Variants in PP2D1 observed in about 807,000 individuals in gnomAD.
PP2D1 encodes the protein protein phosphatase 2C-like domain-containing protein 1.
Under a neutral mutation model 30.2 loss-of-function variants are expected in PP2D1, and 25 were observed. That is an observed-to-expected ratio of 0.83 (90% CI 0.60 to 1.16). PP2D1 has a LOEUF of 1.16. PP2D1 is among the 50% of genes most tolerant of loss of function. The pLI, the probability that PP2D1 is intolerant of heterozygous loss-of-function variation, is 0.00. For synonymous variants in PP2D1, 260 were observed against 258.9 expected (o/e 1.00, Z -0.04); for missense variants, 760 against 742.4 (o/e 1.02, Z -0.28).
At chr3:20,010,081 C>G (rs1370855390) in intron 1 of PP2D1, among the ~76,000 whole-genome samples, 1 of 151,948 alleles carries the variant, frequency 6.6e-6, no homozygotes, top group African/African-American at 2.4e-5. Flanking sequence ...ATCTATATCC[C>G]CATCCACCTT....
At chr3:19,989,155 G>A (rs972254214) in intron 2 of PP2D1, among the ~76,000 whole-genome samples, 5 of 151,948 alleles carry the variant, frequency 3.3e-5, no homozygotes, top group Admixed American at 6.6e-5. Context: ...CCAACATGGC[G>A]AAACTCTGTC....
chr3:20,010,627 C>T (rs1304278368), intron 1 of PP2D1, among the ~76,000 whole-genome samples: 1 of 151,740 alleles, frequency 6.6e-6, no homozygotes, highest in Non-Finnish European at 1.5e-5. Flanking sequence ...CATAGAGAAA[C>T]CCCATCTGTA....
chr3:20,005,714 GATA>G (rs1251884937), intron 1 of PP2D1, among the ~76,000 whole-genome samples: 4 of 152,072 alleles, frequency 2.6e-5, no homozygotes, highest in Admixed American at 6.6e-5. Flanking sequence ...ATGACAATAT[GATA>G]ATAATAATGA....
chr3:19,988,347 T>A (rs1018837564), intron 2 of PP2D1, among the ~76,000 whole-genome samples: 1 of 152,192 alleles, frequency 6.6e-6, no homozygotes, highest in South Asian at 2.1e-4. Flanking sequence ...ATGTCTCTTG[T>A]ACGGTTGCAC....
intron 1 of PP2D1, among the ~76,000 whole-genome samples, chr3:20,010,132 C>T (rs1697367618): frequency 6.6e-6 from 1 of 152,130 alleles, no homozygotes; most frequent in South Asian, 2.1e-4. Flanking sequence ...GAGTCTTGCT[C>T]TGTCACCCAG....
chr3:19,988,140 A>G (rs1472135688), intron 2 of PP2D1, among the ~76,000 whole-genome samples: 1 of 152,218 alleles, frequency 6.6e-6, no homozygotes, highest in Non-Finnish European at 1.5e-5. Flanking sequence ...AAAGAGCAGG[A>G]TAACAGCGAT....
At chr3:19,994,527 G>A (rs1291299982) in intron 2 of PP2D1, among the ~76,000 whole-genome samples, 4 of 152,174 alleles carry the variant, frequency 2.6e-5, no homozygotes, top group African/African-American at 7.2e-5. Context: ...GCCTCAAATG[G>A]ATCACTTAGT....
chr3:20,002,140 C>A, intron 1 of PP2D1, 44 bp from the exon 2 acceptor site: 1 of 1,282,004 alleles, frequency 7.8e-7, no homozygotes, highest in Non-Finnish European at 1.1e-6. Flanking sequence ...GATGATGCAG[C>A]GAAAATCTCT....
chr3:19,990,729 A>T (rs1697108640), intron 2 of PP2D1, among the ~76,000 whole-genome samples: 1 of 151,346 alleles, frequency 6.6e-6, no homozygotes. Flanking sequence ...AAAGGTTTCC[A>T]TGAAGATGGG....
At chr3:19,991,944 A>C (rs1231394819) in intron 2 of PP2D1, among the ~76,000 whole-genome samples, 1 of 152,206 alleles carries the variant, frequency 6.6e-6, no homozygotes, top group Non-Finnish European at 1.5e-5. Flanking sequence ...TGAAATAGTT[A>C]CTGGGGAAAG....
chr3:19,987,882 C>T (rs920501030), intron 2 of PP2D1, among the ~76,000 whole-genome samples: 1 of 152,160 alleles, frequency 6.6e-6, no homozygotes, highest in Non-Finnish European at 1.5e-5. Flanking sequence ...CAAGTTAATA[C>T]TTCTATAATT....
rs1264784761 is a variant in PP2D1 at position 19,985,383 on chromosome 3, T to C, written c.1890A>G (p.Thr630=). ...FLNGSEYQLL[T] is the part of the protein sequence containing the mutation. Reference sequence around the variant, plus strand: ...GGATAATTGGAACTTTATTTTTTTATGTCAGAAGCTGATATTCACTTCCAT... The same window carrying C: ...GGATAATTGGAACTTTATTTTTTTACGTCAGAAGCTGATATTCACTTCCAT... Residue 630 remains threonine (T), a synonymous_variant, in exon 3 of 3, where the codon ACA becomes ACG. Transcript: ENST00000389050. 19 of 1,516,448 alleles carry C rather than the reference T, an allele frequency of 1.3e-5. No individual in the cohort carries two copies. The highest frequency in any genetic ancestry group is 1.4e-5 in the Non-Finnish European group (16 of 1,137,244). The allele number at this position is 1,516,448 out of a possible 1,614,324, so 93.9% of individuals were successfully genotyped here.
At chr3:19,983,808 G>C (rs764684048), downstream of PP2D1, 5 of 1,603,156 alleles carry the variant, frequency 3.1e-6, no homozygotes, top group Non-Finnish European at 4.3e-6. Flanking sequence ...CCAGGAATCA[G>C]TGTTGTAGTA....
intron 1 of PP2D1, among the ~76,000 whole-genome samples, chr3:20,005,147 T>A (rs1302587022): frequency 1.5e-4 from 19 of 125,958 alleles, no homozygotes; most frequent in African/African-American, 3.2e-4. Context: ...ATATACATTT[T>A]TTTTTTTAAA....
chr3:19,995,999 C>T (rs951994308), intron 2 of PP2D1, among the ~76,000 whole-genome samples: 3 of 151,950 alleles, frequency 2.0e-5, no homozygotes, highest in Admixed American at 1.3e-4. Flanking sequence ...TAGTAATAAA[C>T]TCCAAATAAA....
At chr3:19,988,993 C>CA (rs1159127542) in intron 2 of PP2D1, among the ~76,000 whole-genome samples, 2 of 151,576 alleles carry the variant, frequency 1.3e-5, no homozygotes, top group Admixed American at 6.6e-5. Context: ...CAAAAAAAAA[C>CA]AAAAAAGGTT....
intron 2 of PP2D1, among the ~76,000 whole-genome samples, chr3:19,989,310 C>T (rs895076094): frequency 7.2e-5 from 11 of 152,028 alleles, no homozygotes; most frequent in Non-Finnish European, 1.3e-4. Flanking sequence ...TCAGTCTGCG[C>T]GACAGAGTGA....
rs963323396 is a variant in PP2D1, at chr3:20,001,520, A to G, written c.600T>C (p.Asn200=). 13 of 1,536,132 alleles carry G rather than the reference A, an allele frequency of 8.5e-6. No individual in the cohort carries two copies. In the Admixed American group the frequency reaches 2.2e-4, roughly 25 times the overall value. The change falls in exon 2 of 3, where the codon AAT becomes AAC. Residue 200 remains asparagine, a synonymous_variant. Coordinates refer to ENST00000389050, the MANE Select transcript of PP2D1 (RefSeq NM_001252657.2). The part of the protein sequence containing the change: ...TVVSNFGNKP[N]VCFFGLFDGH... ...CATCAAACAAACCAAAAAAACACAC[A>G]TTAGGTTTGTTACCAAAATTACTCA... is the stretch of plus-strand genomic sequence containing the variant.
At chr3:20,010,168 G>A (rs1262508484) in intron 1 of PP2D1, among the ~76,000 whole-genome samples, 2 of 151,910 alleles carry the variant, frequency 1.3e-5, no homozygotes, top group Non-Finnish European at 2.9e-5. Flanking sequence ...TGCTATCTCG[G>A]CTCACTGACA....
Sources: allele counts gnomAD v4.1 joint callset (sites outside exome capture counted in the v4.1 genomes callset), GRCh38; gene constraint gnomAD v4.1.1; transcripts MANE v1.5; gene names NCBI Gene and HGNC (gene_info 2026-07-23, HGNC 2026-07-21).